KANSL1L: variants seen among roughly 807,000 people sequenced by gnomAD.
KANSL1L encodes KAT8 regulatory NSL complex subunit 1-like protein.
A neutral mutation model predicts 108.6 loss-of-function variants in KANSL1L; 25 were observed. The ratio of observed to expected loss-of-function variants is 0.23; its 90% CI spans 0.17 to 0.32. The LOEUF is 0.32. Among genes scored for constraint, KANSL1L ranks in the 10% least tolerant of loss-of-function variants. The pLI is 1.00. For missense variants in KANSL1L, 1,137 were observed against 1,125.7 expected (o/e 1.01, Z -0.14); for synonymous variants, 405 against 395.1 (o/e 1.03, Z -0.30).
chr2:210,025,188 GAGA>G lies in KANSL1L; in HGVS notation c.2477_2479del (p.Phe826del). ...CTCTTCATATTTTTTGTGCCTTAGG[GAGA>G]AGACTTCATCAGAAAGATCTTCTAT... On this transcript the variant is annotated inframe_deletion, in exon 13 of 15. Transcript: ENST00000281772. 1 of 1,606,876 alleles carries G rather than the reference GAGA, an allele frequency of 6.2e-7. No individual in the cohort carries two copies. The highest frequency in any genetic ancestry group is 1.3e-5 in the African/African-American group (1 of 74,916).
chr2:210,062,106 T>C (rs1050936198), intron 6 of KANSL1L, among the ~76,000 whole-genome samples: 3 of 152,220 alleles, frequency 2.0e-5, no homozygotes, highest in African/African-American at 7.2e-5. Context: ...TCATCTTGAA[T>C]TCCCATGTGT....
At chr2:210,049,740 CTTG>C (rs1429306243) in intron 6 of KANSL1L, among the ~76,000 whole-genome samples, 5 of 152,102 alleles carry the variant, frequency 3.3e-5, no homozygotes, top group Admixed American at 1.3e-4. Context: ...CACTTTCAAA[CTTG>C]TTGTGAGAAA....
intron 10 of KANSL1L, 109 bp downstream of exon 10, chr2:210,029,692 TTA>T: frequency 2.1e-6 from 1 of 486,568 alleles, no homozygotes; most frequent in Admixed American, 3.8e-5. Context: ...TAAATGTCTG[TTA>T]ATATGTGCTA....
At chr2:210,051,636 TTATTC>T (rs1370367222) in intron 6 of KANSL1L, among the ~76,000 whole-genome samples, 1 of 152,196 alleles carries the variant, frequency 6.6e-6, no homozygotes, top group Non-Finnish European at 1.5e-5. Context: ...TTTGGAGACA[TTATTC>T]TATTTTCATC....
chr2:210,062,981 G>A (rs750385975), intron 6 of KANSL1L, among the ~76,000 whole-genome samples: 9 of 152,290 alleles, frequency 5.9e-5, no homozygotes, highest in Non-Finnish European at 1.0e-4. Context: ...CATGTCAGAG[G>A]TCTTCATAGC....
intron 6 of KANSL1L, among the ~76,000 whole-genome samples, chr2:210,046,302 C>T (rs1370325799): frequency 6.6e-6 from 1 of 152,048 alleles, no homozygotes; most frequent in Non-Finnish European, 1.5e-5. Context: ...CATTCCATCC[C>T]AGCAGCCCAA....
intron 6 of KANSL1L, among the ~76,000 whole-genome samples, chr2:210,064,999 T>C (rs2094453941): frequency 6.6e-6 from 1 of 151,784 alleles, no homozygotes; most frequent in Non-Finnish European, 1.5e-5. Flanking sequence ...TGGTGTAGGA[T>C]GATCTTAAAA....
intron 11 of KANSL1L, 37 bp from the exon 12 acceptor site, chr2:210,027,387 T>C: frequency 5.4e-6 from 8 of 1,481,946 alleles, no homozygotes; most frequent in South Asian, 2.3e-5. Flanking sequence ...ACAGCTTTTA[T>C]TTATTTAAAT....
intron 3 of KANSL1L, among the ~76,000 whole-genome samples, chr2:210,115,093 T>C (rs4672563): frequency 1 from 152,060 of 152,242 alleles, 75,939 homozygotes; most frequent in Non-Finnish European, 1. Flanking sequence ...GTCTATCCTT[T>C]TTAGTAATTA....
At chr2:210,122,341 G>T (rs1467164966) in intron 3 of KANSL1L, among the ~76,000 whole-genome samples, 1 of 152,010 alleles carries the variant, frequency 6.6e-6, no homozygotes, top group Non-Finnish European at 1.5e-5. Context: ...TAGACACACA[G>T]ACCAACAAAA....
intron 8 of KANSL1L, among the ~76,000 whole-genome samples, chr2:210,036,099 TC>T (rs2094099549): frequency 6.6e-6 from 1 of 152,190 alleles, no homozygotes; most frequent in Non-Finnish European, 1.5e-5. Flanking sequence ...TTTCTGGAGT[TC>T]CTCTCCTTGC....
chr2:210,044,207 CAA>C lies in KANSL1L; in HGVS notation c.1756-105_1756-104del, dbSNP rs1350932028. Reference sequence around the variant, plus strand: ...CTTTAAATAAAATTTTCCAGTTCTACAAAAAGTTTTACAAATATTTTGCTAGA... The same window carrying C: ...CTTTAAATAAAATTTTCCAGTTCTACAAAGTTTTACAAATATTTTGCTAGA... On this transcript the variant is annotated intron_variant, in intron 6 of 14. Transcript: ENST00000281772. This position sits in a 1 kb window ranked among gnomAD's most constrained non-coding sequence, Gnocchi z 4.2. 1.3e-6 allele frequency: 1 copy of C among 749,014 alleles called. No individual in the cohort carries two copies. Among genetic ancestry groups the C allele is most frequent in the Non-Finnish European group, 1.9e-6 (1 of 515,592 alleles). The allele number at this position is 749,014 out of a possible 1,614,324, so 46.4% of individuals were successfully genotyped here.
chr2:210,085,851 G>A (rs1419019689), intron 5 of KANSL1L, among the ~76,000 whole-genome samples: 2 of 150,014 alleles, frequency 1.3e-5, no homozygotes, highest in African/African-American at 4.9e-5. Context: ...TATAATATTA[G>A]GTTTTAGGCT....
chr2:210,171,222 T>A lies in KANSL1L; in HGVS notation c.-103A>T, dbSNP rs1234981176. 2 of 157,348 alleles carry A rather than the reference T, an allele frequency of 1.3e-5. No homozygotes were observed. The highest frequency in any genetic ancestry group is 2.8e-5 in the Non-Finnish European group (2 of 71,690). 9.7% of individuals were successfully genotyped at this position (157,348 alleles called of 1,614,324 possible). On this transcript the variant is annotated 5_prime_UTR_variant, in exon 1 of 15. Transcript: ENST00000281772. ...CGTGGTGGGGGCTGCTGAGGTGATC[T>A]CTAGCTGCCCGCCCGCCTCCCCCAC...
intron 2 of KANSL1L, among the ~76,000 whole-genome samples, chr2:210,133,251 ATATC>A (rs1268952993): frequency 6.6e-6 from 1 of 152,126 alleles, no homozygotes; most frequent in African/African-American, 2.4e-5. Context: ...ATTGCTTATA[ATATC>A]TAATACAATG....
chr2:210,123,136 G>A (rs2095036164), intron 3 of KANSL1L, among the ~76,000 whole-genome samples: 1 of 152,076 alleles, frequency 6.6e-6, no homozygotes, highest in East Asian at 1.9e-4. Flanking sequence ...GAGCTTCCTT[G>A]AAAAACTAAA....
intron 3 of KANSL1L, among the ~76,000 whole-genome samples, chr2:210,105,774 A>G (rs1431895118): frequency 6.6e-6 from 1 of 152,144 alleles, no homozygotes; most frequent in East Asian, 1.9e-4. Context: ...TAGTGCTAAC[A>G]TGCTGACTTT....
intron 2 of KANSL1L, among the ~76,000 whole-genome samples, chr2:210,131,255 C>T (rs1426470057): frequency 6.6e-6 from 1 of 152,092 alleles, no homozygotes. Context: ...ATAGCCTATT[C>T]TGACTAAAAC....
chr2:210,034,782 CTA>C (rs531142080), intron 8 of KANSL1L, among the ~76,000 whole-genome samples: 182 of 152,298 alleles, frequency 1.2e-3, no homozygotes, highest in African/African-American at 4.0e-3. Context: ...AGACTGAGCT[CTA>C]TGTTTCTGGC....
Sources: allele counts gnomAD v4.1 joint callset (sites outside exome capture counted in the v4.1 genomes callset), GRCh38; gene constraint gnomAD v4.1.1; non-coding constraint Gnocchi (gnomAD v3.1); transcripts MANE v1.5; gene names NCBI Gene and HGNC (gene_info 2026-07-23, HGNC 2026-07-21).